The following MYT1L variants were observed in gnomAD, a reference collection of about 807,000 sequenced individuals.
MYT1L encodes myelin transcription factor 1 like.
A neutral mutation model predicts 126.7 loss-of-function variants in MYT1L; 12 were observed. The ratio of observed to expected loss-of-function variants is 0.09; its 90% CI spans 0.06 to 0.15. The LOEUF (loss-of-function observed/expected upper bound fraction) is 0.15, where lower values mean the gene tolerates loss of function less well. MYT1L is among the 10% of genes least tolerant of loss of function. The pLI, the probability that MYT1L is intolerant of heterozygous loss-of-function variation, is 1.00. For missense variants in MYT1L, 979 were observed against 1,585.2 expected, an observed-to-expected ratio of 0.62 and a Z score of 6.49; for synonymous variants, 541 against 604.2, an observed-to-expected ratio of 0.90 and a Z score of 1.53.
At chr2:1,869,489 G>A (rs140739073) in intron 18 of MYT1L, among the ~76,000 whole-genome samples, 39 of 152,246 alleles carry the variant, frequency 2.6e-4, no homozygotes, top group African/African-American at 8.7e-4. Flanking sequence ...GCATGTGGTC[G>A]GTGTAACAGA....
At chr2:2,292,465 C>T (rs1438421876) in intron 1 of MYT1L, among the ~76,000 whole-genome samples, 1 of 152,196 alleles carries the variant, frequency 6.6e-6, no homozygotes, top group Non-Finnish European at 1.5e-5. Context: ...TTTTTATTTT[C>T]TTGTGGATGT....
At chr2:2,302,618 C>T (rs1298475509) in intron 1 of MYT1L, among the ~76,000 whole-genome samples, 3 of 152,124 alleles carry the variant, frequency 2.0e-5, no homozygotes, top group South Asian at 2.1e-4. Context: ...GAGTTCTTTC[C>T]GTCCCTAGAA....
At chr2:2,050,511 G>A (rs931192665) in intron 4 of MYT1L, among the ~76,000 whole-genome samples, 2 of 152,194 alleles carry the variant, frequency 1.3e-5, no homozygotes, top group African/African-American at 4.8e-5. Flanking sequence ...AGCACCAGCT[G>A]CGGAGGCGCC....
chr2:2,058,068 T>C (rs1410984843), intron 3 of MYT1L, among the ~76,000 whole-genome samples: 2 of 152,232 alleles, frequency 1.3e-5, no homozygotes, highest in South Asian at 4.1e-4. Flanking sequence ...AATGTACCAG[T>C]GATTCAGTTT....
chr2:2,066,139 C>A (rs1352844727), intron 3 of MYT1L, among the ~76,000 whole-genome samples: 1 of 152,130 alleles, frequency 6.6e-6, no homozygotes, highest in Non-Finnish European at 1.5e-5. Flanking sequence ...ATATCAAACA[C>A]TTTTAAACTT....
rs567849338 is a variant in MYT1L, at chr2:1,790,896, A to T, written c.*971T>A. On this transcript the variant is annotated 3_prime_UTR_variant, in exon 25 of 25. Transcript: ENST00000647738. ...TGTTCTTAAATTATCTTTTAGCTTA[A>T]ATCGAAAACACACAAATTCTGTTGA... 6.0e-6 allele frequency: 1 copy of T among 165,482 alleles called. No homozygotes were observed. Among genetic ancestry groups the T allele is most frequent in the East Asian group, 1.7e-4 (1 of 5,960 alleles). The allele number at this position is 165,482 out of a possible 1,614,324, so 10.3% of individuals were successfully genotyped here. A position where few individuals can be genotyped will look rare whatever the true frequency, so the allele number is the denominator to read the frequency against.
chr2:1,993,599 TC>T (rs1482829255), intron 5 of MYT1L, among the ~76,000 whole-genome samples: 1 of 152,250 alleles, frequency 6.6e-6, no homozygotes, highest in Non-Finnish European at 1.5e-5. Flanking sequence ...CCCTCCAAGT[TC>T]CTTTACTAAC....
intron 3 of MYT1L, among the ~76,000 whole-genome samples, chr2:2,154,459 G>T (rs2086373793): frequency 6.6e-6 from 1 of 152,184 alleles, no homozygotes; most frequent in African/African-American, 2.4e-5. Flanking sequence ...ACTGGATAAA[G>T]AAAATGTGGT....
intron 2 of MYT1L, among the ~76,000 whole-genome samples, chr2:2,194,565 C>G (rs1862115): frequency 0.25 from 37,569 of 152,028 alleles, 6,117 homozygotes; most frequent in African/African-American, 0.47. Context: ...TGTGTACATG[C>G]CCACTTTGAG....
At chr2:1,847,532 G>A (rs930673905) in intron 19 of MYT1L, among the ~76,000 whole-genome samples, 1 of 152,196 alleles carries the variant, frequency 6.6e-6, no homozygotes, top group Admixed American at 6.5e-5. Flanking sequence ...GGCGGGACCT[G>A]GAGACTACAG....
Position 1,887,606 on chromosome 2 carries a change from C to T in MYT1L, c.2524G>A (p.Glu842Lys). 6.2e-7 allele frequency: 1 copy of T among 1,613,976 alleles called. No individual in the cohort carries two copies. The highest frequency in any genetic ancestry group is 8.5e-7 in the Non-Finnish European group (1 of 1,179,882). The change falls in exon 17 of 25, where the codon GAA becomes AAA. Residue 842 changes from glutamate to lysine, a missense_variant. Physicochemically the swap from Glu to Lys is moderately conservative, Grantham distance 56. Transcript: ENST00000647738. The surrounding 1 kb of genome is among the most constrained non-coding windows in gnomAD (Gnocchi z 4.8). ...DEDESKDITP[E>K]DLDPFQEALE... The stretch of plus-strand genomic sequence containing the variant: ...GCCTCCTGGAATGGGTCCAAGTCTT[C>T]TGGCTGTGGGCAAAACACAGCTTCA...
At chr2:2,161,204 C>A (rs925696017) in intron 3 of MYT1L, among the ~76,000 whole-genome samples, 1 of 152,192 alleles carries the variant, frequency 6.6e-6, no homozygotes, top group Non-Finnish European at 1.5e-5. Context: ...TGGAGAGAGA[C>A]TCCATCTCAA....
At position 1,956,392 on chromosome 2, in the gene MYT1L, T is replaced by TCTGTCTG. The variant is rs2058394241; in HGVS notation, c.153-13059_153-13058insCAGACAG. 2.5e-5 allele frequency among the ~76,000 whole-genome samples: 2 copies of TCTGTCTG among 80,600 alleles called. 1 individual carries two copies. Among genetic ancestry groups the TCTGTCTG allele is most frequent in the Non-Finnish European group, 4.9e-5 (2 of 40,532 alleles). The allele number at this position is 80,600 out of a possible 152,430, so 52.9% of individuals were successfully genotyped here. A position where few individuals can be genotyped will look rare whatever the true frequency, so the allele number is the denominator to read the frequency against. On this transcript the variant is annotated intron_variant, in intron 8 of 24. Coordinates refer to ENST00000647738, the MANE Select transcript of MYT1L (RefSeq NM_001303052.2). ...TATCCTATTCTATATTTCCTATTCTTTCTATCTGTCTGTCTATCTATCTAT... is the reference window on the plus strand; with the variant it reads ...TATCCTATTCTATATTTCCTATTCTTCTGTCTGTCTATCTGTCTGTCTATCTATCTAT...
intron 3 of MYT1L, among the ~76,000 whole-genome samples, chr2:2,114,012 A>G (rs577956951): frequency 7.0e-4 from 107 of 152,178 alleles, no homozygotes; most frequent in African/African-American, 2.4e-3. Flanking sequence ...AGTTATGAAA[A>G]CATTACTGCC....
At chr2:1,986,135 A>AT (rs757109924) in intron 5 of MYT1L, among the ~76,000 whole-genome samples, 124 of 152,360 alleles carry the variant, frequency 8.1e-4, no homozygotes, top group Non-Finnish European at 1.5e-3. Flanking sequence ...GAGTGAATGA[A>AT]TAAACTAATT....
intron 2 of MYT1L, among the ~76,000 whole-genome samples, chr2:2,254,550 G>A (rs2094754077): frequency 6.6e-6 from 1 of 152,216 alleles, no homozygotes; most frequent in Non-Finnish European, 1.5e-5. Context: ...TTGTTGTGAA[G>A]ATTAGACAGA....
At chr2:2,205,826 C>G (rs2093293184) in intron 2 of MYT1L, among the ~76,000 whole-genome samples, 1 of 152,120 alleles carries the variant, frequency 6.6e-6, no homozygotes, top group African/African-American at 2.4e-5. Context: ...GTCCAAAATC[C>G]TTACGTGGTC....
intron 3 of MYT1L, among the ~76,000 whole-genome samples, chr2:2,162,311 G>A (rs1379226762): frequency 6.6e-6 from 1 of 151,676 alleles, no homozygotes; most frequent in Non-Finnish European, 1.5e-5. Context: ...CGGAGAAAGG[G>A]GTCAGGTGGG....
intron 4 of MYT1L, among the ~76,000 whole-genome samples, chr2:1,998,279 G>C (rs1219140671): frequency 1.3e-5 from 2 of 152,186 alleles, no homozygotes; most frequent in Non-Finnish European, 2.9e-5. Flanking sequence ...TGAGCAGAGA[G>C]CCCGGAGCCC....
Sources: allele counts gnomAD v4.1 joint callset (sites outside exome capture counted in the v4.1 genomes callset), GRCh38; gene constraint gnomAD v4.1.1; non-coding constraint Gnocchi (gnomAD v3.1); transcripts MANE v1.5; gene names NCBI Gene and HGNC (gene_info 2026-07-23, HGNC 2026-07-21).